The following SLC1A6 variants were observed in gnomAD, a reference collection of about 807,000 sequenced individuals.
SLC1A6 encodes the protein excitatory amino acid transporter 4.
In SLC1A6, 15 loss-of-function variants were observed where a neutral mutation model predicts 42.1. The ratio of observed to expected loss-of-function variants is 0.36; its 90% CI spans 0.24 to 0.55. SLC1A6 has a LOEUF of 0.55. Ranked by LOEUF, SLC1A6 falls within the 20% of genes least tolerant of loss-of-function variation. The pLI, the probability that SLC1A6 is intolerant of heterozygous loss-of-function variation, is 0.88. For synonymous variants in SLC1A6, 317 were observed against 319.7 expected (o/e 0.99, Z 0.09); for missense variants, 542 against 772.5 (o/e 0.70, Z 3.54).
intron 5 of SLC1A6, 115 bp from the exon 6 acceptor site, chr19:14,962,460 A>G: frequency 1.4e-6 from 1 of 697,962 alleles, no homozygotes; most frequent in East Asian, 2.5e-5. Context: ...GATCGATAAG[A>G]TCTTCATTAT....
chr19:14,956,537 G>A lies in SLC1A6; in HGVS notation c.1108C>T (p.Pro370Ser). Residue 370 changes from proline to serine, a missense_variant, in exon 7 of 10, where the codon CCC becomes TCC. Pro to Ser is a moderately conservative substitution (Grantham distance 74). Transcript: ENST00000594383. ...LIYFLVTHRN[P>S]FPFIGGMLQA... ...AGCATGCCCCCAATGAAGGGGAAGG[G>A]GTTCCGGTGAGTGACGAGGAAGTAG... The A allele has an allele frequency of 6.2e-7, 1 of 1,612,294 alleles. No individual in the cohort carries two copies. Among genetic ancestry groups the A allele is most frequent in the Non-Finnish European group, 8.5e-7 (1 of 1,179,066 alleles).
chr19:14,972,967 C>T, intron 1 of SLC1A6, 50 bp from the exon 2 acceptor site: 2 of 1,421,004 alleles, frequency 1.4e-6, no homozygotes, highest in Non-Finnish European at 1.9e-6. Context: ...GACAGAAGGC[C>T]GGCGTGGGCA....
At chr19:14,965,285 C>G (rs970170176) in intron 4 of SLC1A6, among the ~76,000 whole-genome samples, 4 of 152,152 alleles carry the variant, frequency 2.6e-5, no homozygotes, top group African/African-American at 7.2e-5. Flanking sequence ...TCCCAAAGTA[C>G]TGGGACTACA....
chr19:14,989,152 CTG>C (rs567431083), intron 1 of SLC1A6, among the ~76,000 whole-genome samples: 208 of 152,264 alleles, frequency 1.4e-3, no homozygotes, highest in Non-Finnish European at 2.6e-3. Context: ...GAGACACTAC[CTG>C]TTAGGTACAA....
In SLC1A6 at chr19:14,954,171, T is replaced by C. The variant is rs2045439348; in HGVS notation, c.1328A>G (p.Asn443Ser). The C allele has an allele frequency of 1.2e-6, 2 of 1,612,896 alleles. No individual in the cohort carries two copies. The highest frequency in any genetic ancestry group is 1.7e-6 in the Non-Finnish European group (2 of 1,179,394). Reference sequence around the variant, plus strand: ...GATCTGACCCAGGTTGAGCTCGTAGTTGTTAACTTGAGCAATGAAGATGGC... The same window carrying C: ...GATCTGACCCAGGTTGAGCTCGTAGCTGTTAACTTGAGCAATGAAGATGGC... ...LAAIFIAQVN[N>S]YELNLGQITT... Residue 443 changes from asparagine (N) to serine (S), a missense_variant, in exon 8 of 10, where the codon AAC (asparagine) becomes AGC (serine). Transcript: ENST00000594383.
chr19:14,954,361 G>A (rs1027589239), intron 7 of SLC1A6, 32 bp from the exon 8 acceptor site: 15 of 1,589,866 alleles, frequency 9.4e-6, no homozygotes, highest in Admixed American at 1.7e-5. Context: ...TGAGGATGGG[G>A]CGTGGCCTGG....
At chr19:14,994,457 C>G (rs886364334) in intron 1 of SLC1A6, among the ~76,000 whole-genome samples, 76 of 152,234 alleles carry the variant, frequency 5.0e-4, no homozygotes, top group Non-Finnish European at 1.2e-4. Flanking sequence ...TGCATGGATT[C>G]TGCAATCCTG....
At chr19:14,963,407 A>C (rs2045537475) in intron 5 of SLC1A6, among the ~76,000 whole-genome samples, 1 of 152,186 alleles carries the variant, frequency 6.6e-6, no homozygotes, top group Admixed American at 6.6e-5. Context: ...ATAGCTAATA[A>C]CAATGTATTG....
chr19:14,963,317 G>A (rs1281603649), intron 5 of SLC1A6, among the ~76,000 whole-genome samples: 5 of 152,174 alleles, frequency 3.3e-5, no homozygotes, highest in Admixed American at 3.3e-4. Context: ...GGAAATTGGG[G>A]AGATGTTGGT....
At chr19:14,980,654 C>A (rs1187758840), upstream of SLC1A6, among the ~76,000 whole-genome samples, 295 of 125,204 alleles carry the variant, frequency 2.4e-3, no homozygotes, top group African/African-American at 2.3e-3. Flanking sequence ...GAGACTCCGT[C>A]AAAAAAAAAA....
intron 1 of SLC1A6, among the ~76,000 whole-genome samples, chr19:15,002,724 G>C (rs1166242381): frequency 1.3e-5 from 2 of 152,160 alleles, no homozygotes; most frequent in Non-Finnish European, 2.9e-5. Flanking sequence ...AGAACACAGA[G>C]TAGAGGTGAA....
chr19:14,988,668 C>A (rs1306346407), intron 1 of SLC1A6, among the ~76,000 whole-genome samples: 1 of 152,144 alleles, frequency 6.6e-6, no homozygotes, highest in South Asian at 2.1e-4. Context: ...TCTGTTGCAA[C>A]AACTTGGATG....
chr19:14,960,386 T>A (rs1479458837), intron 6 of SLC1A6, among the ~76,000 whole-genome samples: 2 of 152,108 alleles, frequency 1.3e-5, no homozygotes, highest in African/African-American at 4.8e-5. Flanking sequence ...AGTTTGTAAA[T>A]AAATTTACGA....
chr19:14,968,481 T>C lies in SLC1A6; in HGVS notation c.370A>G (p.Thr124Ala), dbSNP rs747044829. 6.2e-7 allele frequency: 1 copy of C among 1,612,064 alleles called. No homozygotes were observed. Among genetic ancestry groups the C allele is most frequent in the Non-Finnish European group, 8.5e-7 (1 of 1,178,924 alleles). Residue 124 changes from threonine (T) to alanine (A), a missense_variant, in exon 4 of 10, where the codon ACG becomes GCG. Physicochemically the swap from Thr to Ala is moderately conservative, Grantham distance 58 (BLOSUM62 0). Transcript: ENST00000594383. ...TGMASLDNKA[T>A]GRMGMRAAVY... ...GCTGCCCGCATCCCCATCCGCCCCG[T>C]GGCCTTGTTGTCCAGGGATGCCATA...
chr19:14,976,076 C>G (rs903824195), intron 1 of SLC1A6, among the ~76,000 whole-genome samples: 4 of 151,796 alleles, frequency 2.6e-5, no homozygotes, highest in Admixed American at 6.6e-5. Flanking sequence ...TCTTAGGCTC[C>G]CTCTCCCATG....
chr19:14,988,958 G>A (rs2045805566), intron 1 of SLC1A6, among the ~76,000 whole-genome samples: 1 of 152,200 alleles, frequency 6.6e-6, no homozygotes, highest in Admixed American at 6.5e-5. Context: ...GCTCAAGGCT[G>A]CAGTGAGCCA....
rs779747638 is a variant in SLC1A6, at chr19:14,954,170, G to A, written c.1329C>T (p.Asn443=). 3.7e-6 allele frequency: 6 copies of A among 1,612,892 alleles called. No homozygotes were observed. The Admixed American group carries it at 6.7e-5, about 18-fold the overall frequency. The change falls in exon 8 of 10, where the codon AAC becomes AAT. Residue 443 remains asparagine (N), a synonymous_variant. Transcript: ENST00000594383. ...TGATCTGACCCAGGTTGAGCTCGTAGTTGTTAACTTGAGCAATGAAGATGG... is the reference window on the plus strand; with the variant it reads ...TGATCTGACCCAGGTTGAGCTCGTAATTGTTAACTTGAGCAATGAAGATGG... The part of the protein sequence containing the change: ...LAAIFIAQVN[N]YELNLGQITT...
intron 1 of SLC1A6, among the ~76,000 whole-genome samples, chr19:14,999,520 C>T (rs1165539618): frequency 6.6e-6 from 1 of 152,230 alleles, no homozygotes; most frequent in Admixed American, 6.5e-5. Context: ...CAGGACCTCT[C>T]CTGTGTCACA....
At chr19:14,998,915 T>C (rs1212049058) in intron 1 of SLC1A6, among the ~76,000 whole-genome samples, 1 of 150,402 alleles carries the variant, frequency 6.6e-6, no homozygotes. Flanking sequence ...TCTTGCTCTG[T>C]CACCCAGGCT....
Sources: gnomAD v4.1 joint callset for allele counts (sites outside exome capture counted in the v4.1 genomes callset) on GRCh38, gnomAD v4.1.1 for gene constraint, MANE v1.5 for transcripts, NCBI Gene and HGNC (gene_info 2026-07-23, HGNC 2026-07-21) for gene names.